Variants in FCHSD2 observed in about 807,000 individuals in gnomAD.
The protein encoded by FCHSD2 is F-BAR and double SH3 domains protein 2.
FCHSD2 carries 38 observed loss-of-function variants against 108.1 expected under a neutral mutation model. The observed-to-expected ratio is 0.35, with a 90% CI of 0.27 to 0.46. FCHSD2 has a LOEUF of 0.46. FCHSD2 is among the 20% of genes least tolerant of loss of function. The pLI, the probability that FCHSD2 is intolerant of heterozygous loss-of-function variation, is 1.00. For missense variants in FCHSD2, 751 were observed against 897.8 expected, an observed-to-expected ratio of 0.84 and a Z score of 2.09; for synonymous variants, 279 against 314.7, an observed-to-expected ratio of 0.89 and a Z score of 1.20.
intron 11 of FCHSD2, among the ~76,000 whole-genome samples, chr11:72,888,204 G>A (rs1565307004): frequency 6.6e-6 from 1 of 152,202 alleles, no homozygotes; most frequent in Admixed American, 6.5e-5. Context: ...ATCTAGGTAT[G>A]GCCAGAAAGG....
intron 13 of FCHSD2, among the ~76,000 whole-genome samples, chr11:72,854,811 G>A (rs1180630198): frequency 6.6e-6 from 1 of 152,176 alleles, no homozygotes; most frequent in Non-Finnish European, 1.5e-5. Context: ...TTGCTTAATG[G>A]CCAGAAAGTT....
chr11:73,007,144 G>T (rs765032662), intron 4 of FCHSD2, among the ~76,000 whole-genome samples: 3 of 152,010 alleles, frequency 2.0e-5, no homozygotes, highest in South Asian at 4.2e-4. Flanking sequence ...TGTATCTTAC[G>T]ATTTTATATC....
At chr11:73,118,948 A>C (rs1167319462) in intron 2 of FCHSD2, among the ~76,000 whole-genome samples, 1 of 152,228 alleles carries the variant, frequency 6.6e-6, no homozygotes, top group Non-Finnish European at 1.5e-5. Flanking sequence ...CCACAGAATT[A>C]TTTGAGACTC....
chr11:73,061,262 G>T (rs1859156376), intron 3 of FCHSD2, among the ~76,000 whole-genome samples: 1 of 152,228 alleles, frequency 6.6e-6, no homozygotes, highest in Admixed American at 6.5e-5. Context: ...TGAGCCTGAA[G>T]AACTCTGGAA....
At chr11:72,899,002 T>A (rs1855475399) in intron 10 of FCHSD2, among the ~76,000 whole-genome samples, 1 of 152,138 alleles carries the variant, frequency 6.6e-6, no homozygotes, top group East Asian at 1.9e-4. Context: ...ACCTTGGCCT[T>A]CCAAAGTGTT....
At chr11:73,101,562 C>T (rs776553841) in intron 2 of FCHSD2, among the ~76,000 whole-genome samples, 2 of 151,996 alleles carry the variant, frequency 1.3e-5, no homozygotes, top group Non-Finnish European at 2.9e-5. Context: ...CTCAGCCTCC[C>T]GAGTAGCTGG....
chr11:73,132,048 C>T (rs979168850), intron 2 of FCHSD2, among the ~76,000 whole-genome samples: 3 of 152,210 alleles, frequency 2.0e-5, no homozygotes, highest in Admixed American at 6.5e-5. Context: ...TGTATTCCAA[C>T]CATTGTCTCT....
chr11:72,996,076 T>C (rs1034129914), intron 5 of FCHSD2, among the ~76,000 whole-genome samples: 3 of 152,154 alleles, frequency 2.0e-5, no homozygotes, highest in Admixed American at 6.5e-5. Context: ...AGGAGCAAGA[T>C]AAAAGGAGTA....
intron 3 of FCHSD2, among the ~76,000 whole-genome samples, chr11:73,040,939 C>CT (rs949821271): frequency 6.6e-6 from 1 of 152,016 alleles, no homozygotes; most frequent in Non-Finnish European, 1.5e-5. Context: ...ATGACAGCAA[C>CT]TTTTTTAGCT....
intron 8 of FCHSD2, among the ~76,000 whole-genome samples, chr11:72,945,805 T>C (rs1386467730): frequency 1.3e-5 from 2 of 152,224 alleles, no homozygotes; most frequent in Non-Finnish European, 2.9e-5. Context: ...ATGCTCATCA[T>C]CAATGGACAT....
At chr11:72,842,552 A>G (rs1860994171) in intron 17 of FCHSD2, 69 bp downstream of exon 17, 2 of 1,588,906 alleles carry the variant, frequency 1.3e-6, no homozygotes, top group African/African-American at 2.7e-5. Context: ...TTTTGTGTGG[A>G]TCCACAGACC....
chr11:73,072,258 C>T (rs573556982), intron 3 of FCHSD2, among the ~76,000 whole-genome samples: 9 of 151,760 alleles, frequency 5.9e-5, no homozygotes, highest in African/African-American at 1.9e-4. Flanking sequence ...TGGGGATCAG[C>T]ATCAACAATG....
intron 2 of FCHSD2, among the ~76,000 whole-genome samples, chr11:73,101,693 T>C (rs1004375159): frequency 6.6e-6 from 1 of 151,786 alleles, no homozygotes; most frequent in Non-Finnish European, 1.5e-5. Context: ...CACTTTGGCC[T>C]CCCAAAGTGC....
chr11:73,037,914 C>G (rs1412362535), intron 3 of FCHSD2, among the ~76,000 whole-genome samples: 1 of 152,152 alleles, frequency 6.6e-6, no homozygotes, highest in South Asian at 2.1e-4. Flanking sequence ...TATCCAATCC[C>G]TCACCAATTT....
chr11:73,047,388 C>T (rs949810902), intron 3 of FCHSD2, among the ~76,000 whole-genome samples: 1 of 151,868 alleles, frequency 6.6e-6, no homozygotes, highest in African/African-American at 2.4e-5. Flanking sequence ...AAATATGATC[C>T]CCTATAATAC....
At chr11:72,964,229 C>T (rs1193497923) in intron 8 of FCHSD2, among the ~76,000 whole-genome samples, 1 of 152,150 alleles carries the variant, frequency 6.6e-6, no homozygotes, top group South Asian at 2.1e-4. Flanking sequence ...AAAATCAGTG[C>T]AATATGTACA....
At chr11:73,129,613 T>G (rs903397656) in intron 2 of FCHSD2, among the ~76,000 whole-genome samples, 4 of 152,222 alleles carry the variant, frequency 2.6e-5, no homozygotes, top group African/African-American at 9.6e-5. Context: ...AGCCTCCCAC[T>G]GATTCTACAG....
At chr11:72,901,927 T>TAA (rs1327126457) in intron 10 of FCHSD2, among the ~76,000 whole-genome samples, 1 of 152,088 alleles carries the variant, frequency 6.6e-6, no homozygotes, top group Non-Finnish European at 1.5e-5. Flanking sequence ...CAGGCTGGAG[T>TAA]GCAGTGGTGT....
intron 12 of FCHSD2, among the ~76,000 whole-genome samples, chr11:72,868,811 C>T (rs963770919): frequency 6.6e-6 from 1 of 151,938 alleles, no homozygotes; most frequent in Non-Finnish European, 1.5e-5. Flanking sequence ...GGCAAATATT[C>T]TCAAGGCTTT....
Sources: gnomAD v4.1 joint callset for allele counts (sites outside exome capture counted in the v4.1 genomes callset) on GRCh38, gnomAD v4.1.1 for gene constraint, MANE v1.5 for transcripts, NCBI Gene and HGNC (gene_info 2026-07-23, HGNC 2026-07-21) for gene names.